The following GOLT1A variants were observed in gnomAD, a reference collection of about 807,000 sequenced individuals.
GOLT1A encodes vesicle transport protein GOT1A.
A neutral mutation model predicts 16.1 loss-of-function variants in GOLT1A; 10 were observed. The observed-to-expected ratio is 0.62, with a 90% CI of 0.38 to 1.05. The LOEUF (loss-of-function observed/expected upper bound fraction) is 1.05. Among genes scored for constraint, GOLT1A ranks in the 50% least tolerant of loss-of-function variants. GOLT1A has a pLI of 0.01. For missense variants in GOLT1A, 137 were observed against 165.7 expected (o/e 0.83, Z 0.95); for synonymous variants, 60 against 67.9 (o/e 0.88, Z 0.57).
chr1:204,212,158 C>G (rs57675184), intron 1 of GOLT1A, among the ~76,000 whole-genome samples: 81 of 152,226 alleles, frequency 5.3e-4, no homozygotes, highest in African/African-American at 1.9e-3. Context: ...TGCTTCCCCC[C>G]ACTCAACCCT....
intron 1 of GOLT1A, among the ~76,000 whole-genome samples, chr1:204,209,927 G>C (rs1331617297): frequency 6.6e-6 from 1 of 152,062 alleles, no homozygotes; most frequent in African/African-American, 2.4e-5. Flanking sequence ...GTGAGGTGGC[G>C]GGCACTTGTA....
At position 204,202,884 on chromosome 1, in the gene GOLT1A, TG is replaced by T; in HGVS notation, c.117+11del. 1 of 1,606,826 alleles carries T rather than the reference TG, an allele frequency of 6.2e-7. No individual in the cohort carries two copies. Among genetic ancestry groups the T allele is most frequent in the Non-Finnish European group, 8.5e-7 (1 of 1,173,520 alleles). On this transcript the variant is annotated intron_variant, in intron 2 of 4. Coordinates refer to ENST00000308302, the MANE Select transcript of GOLT1A (RefSeq NM_198447.2). ...GGGCAGGGGAGTGGGGACACAGGGC[TG>T]GGAGACTCACGTTTCCAAAGGCCAG...
At chr1:204,204,170 G>C (rs910409721) in intron 1 of GOLT1A, among the ~76,000 whole-genome samples, 1 of 151,950 alleles carries the variant, frequency 6.6e-6, no homozygotes, top group African/African-American at 2.4e-5. Context: ...GTTTTAAATT[G>C]TGGCAACGTG....
At chr1:204,212,273 G>A (rs1659149691) in intron 1 of GOLT1A, among the ~76,000 whole-genome samples, 1 of 152,152 alleles carries the variant, frequency 6.6e-6, no homozygotes. Context: ...CCTCAAGGCA[G>A]ATCCAGCATG....
Position 204,202,958 on chromosome 1 carries a change from T to A in GOLT1A, c.55A>T (p.Ile19Phe). 6.2e-7 allele frequency: 1 copy of A among 1,614,092 alleles called. No individual in the cohort carries two copies. The highest frequency in any genetic ancestry group is 2.2e-5 in the East Asian group (1 of 44,882). The change falls in exon 2 of 5, where the codon ATC becomes TTC. Residue 19 changes from isoleucine to phenylalanine, a missense_variant. Physicochemically the swap from Ile to Phe is conservative, Grantham distance 21 (BLOSUM62 0). Coordinates refer to ENST00000308302, the MANE Select transcript of GOLT1A (RefSeq NM_198447.2). ...AGTGTTCCAAAGAGGATGAAGAAGA[T>A]GCCGAAACCGGTGATCCCCACACCA... ...KIGVGITGFGIFFILFGTLLY... is the reference protein window; with the variant it reads ...KIGVGITGFGFFFILFGTLLY...
At chr1:204,208,300 GTA>G (rs1250494127) in intron 1 of GOLT1A, among the ~76,000 whole-genome samples, 1 of 149,550 alleles carries the variant, frequency 6.7e-6, no homozygotes. Flanking sequence ...ATTGTGATGT[GTA>G]TATATATACA....
At position 204,199,036 on chromosome 1, in the gene GOLT1A, GGAA is replaced by G. The variant is rs142169045; in HGVS notation, c.360+156_360+158del. The G allele has an allele frequency of 3.7e-3, 2,351 of 630,176 alleles. 41 individuals are homozygous for G. Among genetic ancestry groups the G allele is most frequent in the African/African-American group, 0.034 (1,833 of 54,406 alleles). 39.0% of individuals were successfully genotyped at this position (630,176 alleles called of 1,614,324 possible). Reference sequence around the variant, plus strand: ...CTTGTCAAATGGAGAAGGTGCGGGGGGAAGAGGAGCCTAAAGCACCAAACCTGG... The same window carrying G: ...CTTGTCAAATGGAGAAGGTGCGGGGGGAGGAGCCTAAAGCACCAAACCTGG... On this transcript the variant is annotated intron_variant, in intron 4 of 4. Transcript: ENST00000308302.
At chr1:204,201,426 A>G (rs544832183) in intron 3 of GOLT1A, among the ~76,000 whole-genome samples, 2 of 152,320 alleles carry the variant, frequency 1.3e-5, no homozygotes, top group East Asian at 1.9e-4. Context: ...TGCTGGGAAC[A>G]CAGTCGGCAC....
chr1:204,207,473 T>C (rs1168527072), intron 1 of GOLT1A, among the ~76,000 whole-genome samples: 1 of 152,160 alleles, frequency 6.6e-6, no homozygotes, highest in Admixed American at 6.5e-5. Flanking sequence ...AACTCCCGAG[T>C]TGCTGCCAAG....
chr1:204,213,155 T>C (rs1161568600), intron 1 of GOLT1A, among the ~76,000 whole-genome samples: 1 of 152,252 alleles, frequency 6.6e-6, no homozygotes, highest in African/African-American at 2.4e-5. Context: ...TCTGATATAC[T>C]ATATACTTCT....
At chr1:204,211,929 A>G (rs1290825825) in intron 1 of GOLT1A, among the ~76,000 whole-genome samples, 1 of 152,134 alleles carries the variant, frequency 6.6e-6, no homozygotes, top group Admixed American at 6.5e-5. Context: ...CTGCCCCAAA[A>G]TGTCAATAGT....
chr1:204,204,252 ATTC>A (rs1659007853), intron 1 of GOLT1A, among the ~76,000 whole-genome samples: 1 of 152,160 alleles, frequency 6.6e-6, no homozygotes, highest in Non-Finnish European at 1.5e-5. Flanking sequence ...CATCTCCTGA[ATTC>A]TTCGTCTTGC....
In GOLT1A at chr1:204,199,064, G is replaced by A; in HGVS notation, c.360+131C>T. 4.0e-6 allele frequency: 3 copies of A among 756,758 alleles called. No homozygotes were observed. In the East Asian group the frequency reaches 8.1e-5, roughly 20 times the overall value. 46.9% of individuals were successfully genotyped at this position (756,758 alleles called of 1,614,324 possible). A position where few individuals can be genotyped will look rare whatever the true frequency, so the allele number is the denominator to read the frequency against. On this transcript the variant is annotated intron_variant, in intron 4 of 4. Coordinates refer to ENST00000308302, the MANE Select transcript of GOLT1A (RefSeq NM_198447.2). Reference sequence around the variant, plus strand: ...AGAGGAGCCTAAAGCACCAAACCTGGGCTAGGGGGTCTGAGGGGAGACAGG... The same window carrying A: ...AGAGGAGCCTAAAGCACCAAACCTGAGCTAGGGGGTCTGAGGGGAGACAGG...
At chr1:204,199,437 C>G (rs1274182794) in intron 3 of GOLT1A, among the ~76,000 whole-genome samples, 179 bp from the exon 4 acceptor site, 2 of 152,052 alleles carry the variant, frequency 1.3e-5, no homozygotes, top group African/African-American at 2.4e-5. Context: ...AATGAAGGCC[C>G]CAGGGTCACA....
intron 4 of GOLT1A, 167 bp downstream of exon 4, chr1:204,199,028 G>A (rs1658908601): frequency 8.1e-6 from 5 of 619,438 alleles, no homozygotes; most frequent in Non-Finnish European, 1.5e-5. Context: ...AATGGAGAAG[G>A]TGCGGGGGGA....
intron 4 of GOLT1A, chr1:204,198,969 A>C: frequency 1.8e-6 from 1 of 567,026 alleles, no homozygotes; most frequent in Non-Finnish European, 3.2e-6. Context: ...CTACAGCCAC[A>C]CTCAGCTACA....
At chr1:204,199,089 G>A (rs1181556756) in intron 4 of GOLT1A, 106 bp downstream of exon 4, 4 of 964,056 alleles carry the variant, frequency 4.1e-6, no homozygotes, top group African/African-American at 1.6e-5. Context: ...GGGGAGACAG[G>A]GGAGAGGCCA....
intron 1 of GOLT1A, among the ~76,000 whole-genome samples, chr1:204,208,421 TA>T (rs56386168): frequency 4.5e-3 from 394 of 87,216 alleles, no homozygotes; most frequent in Non-Finnish European, 7.0e-3. Context: ...TATGTATACA[TA>T]TGTGTATATG....
At chr1:204,203,131 G>A (rs924873948) in intron 1 of GOLT1A, 144 bp from the exon 2 acceptor site, 4 of 649,332 alleles carry the variant, frequency 6.2e-6, no homozygotes, top group East Asian at 2.7e-5. Context: ...ATGCTCTCAG[G>A]GGATGGTGGG....
Sources: gnomAD v4.1 joint callset for allele counts (sites outside exome capture counted in the v4.1 genomes callset) on GRCh38, gnomAD v4.1.1 for gene constraint, MANE v1.5 for transcripts, NCBI Gene and HGNC (gene_info 2026-07-23, HGNC 2026-07-21) for gene names.